Variants in DSE observed in about 807,000 individuals in gnomAD.
The protein encoded by DSE is dermatan-sulfate epimerase.
DSE carries 36 observed loss-of-function variants against 84.4 expected under a neutral mutation model. The observed-to-expected ratio is 0.43, with a 90% CI of 0.33 to 0.56. The LOEUF is 0.56. DSE is among the 20% of genes least tolerant of loss of function. The probability of loss-of-function intolerance (pLI) is 0.06; values close to 1 mark genes in which losing one functional copy is unlikely to be tolerated. For synonymous variants in DSE, 410 were observed against 430.1 expected, an observed-to-expected ratio of 0.95 and a Z score of 0.58; for missense variants, 862 against 1,169.6, an observed-to-expected ratio of 0.74 and a Z score of 3.84.
At chr6:116,375,461 A>G in intron 1 of DSE, 2 of 876,622 alleles carry the variant, frequency 2.3e-6, no homozygotes, top group Non-Finnish European at 2.7e-6. Context: ...CTATGGTCAC[A>G]CCACTGCACT....
intron 2 of DSE, among the ~76,000 whole-genome samples, chr6:116,330,828 A>G (rs1449984166): frequency 6.6e-6 from 1 of 152,216 alleles, no homozygotes; most frequent in Non-Finnish European, 1.5e-5. Context: ...ATATAAGAAC[A>G]TGAACATTAA....
intron 2 of DSE, among the ~76,000 whole-genome samples, chr6:116,334,930 TG>T (rs1777155311): frequency 6.6e-6 from 1 of 152,204 alleles, no homozygotes; most frequent in African/African-American, 2.4e-5. Flanking sequence ...CTCCCACTGT[TG>T]GTGGAAGTGT....
chr6:116,279,848 C>T, intron 2 of DSE: 1 of 1,613,060 alleles, frequency 6.2e-7, no homozygotes, highest in Non-Finnish European at 8.5e-7. Context: ...ACAGTCGGAC[C>T]AACCGCAGGC....
chr6:116,289,468 T>C (rs1774145448), intron 2 of DSE, among the ~76,000 whole-genome samples: 1 of 152,014 alleles, frequency 6.6e-6, no homozygotes, highest in Admixed American at 6.6e-5. Flanking sequence ...TTAGGTAGTA[T>C]TTAGATCTGC....
At chr6:116,361,892 G>A (rs1252514644) in intron 2 of DSE, among the ~76,000 whole-genome samples, 5 of 152,168 alleles carry the variant, frequency 3.3e-5, no homozygotes, top group Non-Finnish European at 7.3e-5. Flanking sequence ...CAACAAACGT[G>A]AGTCGTATCT....
intron 2 of DSE, among the ~76,000 whole-genome samples, chr6:116,281,881 A>G (rs1396827176): frequency 6.6e-6 from 1 of 152,262 alleles, no homozygotes; most frequent in Admixed American, 6.5e-5. Flanking sequence ...GGGCTGCTCT[A>G]TTCTATATAG....
chr6:116,322,861 G>A (rs924182083), intron 2 of DSE, among the ~76,000 whole-genome samples: 56 of 152,158 alleles, frequency 3.7e-4, no homozygotes, highest in African/African-American at 1.3e-3. Context: ...GCAGAATAAT[G>A]TTTCAGAAGA....
At chr6:116,345,724 C>A (rs1408694677) in intron 2 of DSE, among the ~76,000 whole-genome samples, 1 of 152,042 alleles carries the variant, frequency 6.6e-6, no homozygotes, top group Admixed American at 6.6e-5. Flanking sequence ...GAAGCAAGAG[C>A]AAACACATTC....
At chr6:116,384,863 A>G (rs1004087395) in intron 1 of DSE, among the ~76,000 whole-genome samples, 1 of 152,202 alleles carries the variant, frequency 6.6e-6, no homozygotes, top group African/African-American at 2.4e-5. Flanking sequence ...CACAAAATAA[A>G]TAAGTAAATT....
At chr6:116,378,603 CT>C (rs1308931315) in intron 1 of DSE, among the ~76,000 whole-genome samples, 3 of 152,070 alleles carry the variant, frequency 2.0e-5, no homozygotes, top group Admixed American at 1.3e-4. Context: ...CCATATTTCT[CT>C]TTTTTATTTT....
At chr6:116,266,796 C>T (rs537366447) in intron 2 of DSE, among the ~76,000 whole-genome samples, 1 of 152,238 alleles carries the variant, frequency 6.6e-6, no homozygotes, top group African/African-American at 2.4e-5. Flanking sequence ...ACAATCAATA[C>T]TTTTAGAGCA....
At chr6:116,408,616 T>C (rs2157323) in intron 2 of DSE, among the ~76,000 whole-genome samples, 107,847 of 152,058 alleles carry the variant, frequency 0.71, 38,617 homozygotes, top group Admixed American at 0.77. Flanking sequence ...GACGTGCCTG[T>C]CATCAGCCGT....
intron 1 of DSE, among the ~76,000 whole-genome samples, chr6:116,386,940 T>C (rs937940617): frequency 1.5e-4 from 23 of 152,224 alleles, no homozygotes; most frequent in African/African-American, 2.7e-4. Context: ...AGTAAACTTA[T>C]AGTATCTTAT....
intron 2 of DSE, among the ~76,000 whole-genome samples, chr6:116,345,959 T>C (rs973010188): frequency 6.6e-6 from 1 of 152,022 alleles, no homozygotes; most frequent in South Asian, 2.1e-4. Flanking sequence ...CCCACAGAAA[T>C]ACAAACTACC....
At chr6:116,254,355 C>T in intron 1 of DSE, 3 of 525,602 alleles carry the variant, frequency 5.7e-6, no homozygotes, top group South Asian at 4.6e-5. Flanking sequence ...GGCACCTAAC[C>T]TATTGTTTCT....
rs181217174 is a variant in DSE, at chr6:116,333,096, T to A, written c.-53-66102T>A. Among the ~76,000 whole-genome samples, 58 of 152,270 alleles carry A rather than the reference T, an allele frequency of 3.8e-4. No homozygotes were observed. In the East Asian group the frequency reaches 0.011, roughly 28 times the overall value. Reference sequence around the variant, plus strand: ...TAATGTGAAAATTGGTAAATGTACTTCCTCAGGATAAAATTTTCAATGAAA... The same window carrying A: ...TAATGTGAAAATTGGTAAATGTACTACCTCAGGATAAAATTTTCAATGAAA... On this transcript the variant is annotated intron_variant, in intron 2 of 3. Transcript: ENST00000430252.
chr6:116,425,147 G>A (rs1783348989), intron 2 of DSE, among the ~76,000 whole-genome samples: 2 of 151,998 alleles, frequency 1.3e-5, no homozygotes, highest in African/African-American at 4.8e-5. Flanking sequence ...TTAAATGTTG[G>A]TATTTCATGC....
At chr6:116,396,768 A>T (rs1172051905) in intron 1 of DSE, among the ~76,000 whole-genome samples, 4 of 152,170 alleles carry the variant, frequency 2.6e-5, no homozygotes, top group Non-Finnish European at 5.9e-5. Context: ...TGAGTTAGGC[A>T]TGTAGGCCCC....
intron 2 of DSE, among the ~76,000 whole-genome samples, chr6:116,348,005 CAAA>C (rs1467793865): frequency 3.3e-5 from 5 of 152,174 alleles, no homozygotes; most frequent in Non-Finnish European, 7.4e-5. Flanking sequence ...AGACACTTCT[CAAA>C]AGAAGACATT....
Sources: gnomAD v4.1 joint callset for allele counts (sites outside exome capture counted in the v4.1 genomes callset) on GRCh38, gnomAD v4.1.1 for gene constraint, MANE v1.5 for transcripts, NCBI Gene and HGNC (gene_info 2026-07-23, HGNC 2026-07-21) for gene names.